TMEM220: variants seen among roughly 807,000 people sequenced by gnomAD.
TMEM220 encodes transmembrane protein 220.
TMEM220 carries 21 observed loss-of-function variants against 21.7 expected under a neutral mutation model. That is an observed-to-expected ratio of 0.97 (90% CI 0.69 to 1.39). TMEM220 has a LOEUF of 1.39. Ranked by LOEUF, TMEM220 falls within the 40% of genes most tolerant of loss-of-function variation. TMEM220 has a pLI of 0.00. For synonymous variants in TMEM220, 80 were observed against 73.6 expected (o/e 1.09, Z -0.45); for missense variants, 191 against 201.9 (o/e 0.95, Z 0.33).
intron 5 of TMEM220, among the ~76,000 whole-genome samples, chr17:10,720,072 A>G (rs2074969298): frequency 6.6e-6 from 1 of 152,230 alleles, no homozygotes; most frequent in Non-Finnish European, 1.5e-5. Flanking sequence ...CTCTGCTGGC[A>G]AGGCTATGGG....
At chr17:10,719,265 CTA>C (rs1444784060) in intron 5 of TMEM220, among the ~76,000 whole-genome samples, 4 of 152,030 alleles carry the variant, frequency 2.6e-5, no homozygotes. Context: ...TTCTATCTAT[CTA>C]TTTATTTATT....
chr17:10,715,963 A>C, intron 5 of TMEM220: 1 of 380,414 alleles, frequency 2.6e-6, no homozygotes. Flanking sequence ...ATATTTATTA[A>C]AGATAATCAT....
intron 2 of TMEM220, among the ~76,000 whole-genome samples, chr17:10,727,522 C>T (rs1346506014): frequency 6.6e-6 from 1 of 152,114 alleles, no homozygotes; most frequent in Non-Finnish European, 1.5e-5. Context: ...GGTGAATATA[C>T]GCAGCAGTCT....
At position 10,713,612 on chromosome 17, in the gene TMEM220, A is replaced by C. The variant is rs2074872263; in HGVS notation, c.*1841T>G. Reference sequence around the variant, plus strand: ...TAATACTAAAGGAGTTATAAAAGCCACAAATATGTAAGCAAAATATACACT... The same window carrying C: ...TAATACTAAAGGAGTTATAAAAGCCCCAAATATGTAAGCAAAATATACACT... On this transcript the variant is annotated 3_prime_UTR_variant, in exon 6 of 6. Coordinates refer to ENST00000341871, the MANE Select transcript of TMEM220 (RefSeq NM_001004313.3). 1.3e-5 allele frequency: 2 copies of C among 152,162 alleles called. No homozygotes were observed. Among genetic ancestry groups the C allele is most frequent in the Admixed American group, 1.3e-4 (2 of 15,276 alleles). 9.4% of individuals were successfully genotyped at this position (152,162 alleles called of 1,614,324 possible).
chr17:10,719,136 A>C (rs2074957307), intron 5 of TMEM220, among the ~76,000 whole-genome samples: 1 of 145,722 alleles, frequency 6.9e-6, no homozygotes, highest in South Asian at 2.2e-4. Context: ...TGTCATTAAA[A>C]AGTGTCTTCC....
rs1420827031 is a variant in TMEM220, at chr17:10,715,565, T to G, written c.371A>C (p.Gln124Pro). Reference sequence around the variant, plus strand: ...TGTGATTACAATGGCAATAGCCAATTGAATTCTTCCACCAACTGGATTCCT... The same window carrying G: ...TGTGATTACAATGGCAATAGCCAATGGAATTCTTCCACCAACTGGATTCCT... ...SSKNPVGGRI[Q>P]LAIAIVITLF... The change falls in exon 6 of 6, where the codon CAA becomes CCA. Residue 124 changes from glutamine (Q) to proline (P), a missense_variant. By Grantham distance (76) the Gln-to-Pro change is moderately conservative (BLOSUM62 -1). Transcript: ENST00000341871. The G allele has an allele frequency of 6.3e-7, 1 of 1,593,550 alleles. No individual in the cohort carries two copies. The highest frequency in any genetic ancestry group is 2.3e-5 in the East Asian group (1 of 44,310).
At chr17:10,721,258 T>C (rs2074984893) in intron 5 of TMEM220, among the ~76,000 whole-genome samples, 2 of 152,016 alleles carry the variant, frequency 1.3e-5, no homozygotes, top group African/African-American at 4.8e-5. Flanking sequence ...TGGACAAAAA[T>C]GGGACAGTCT....
downstream of TMEM220, among the ~76,000 whole-genome samples, chr17:10,711,622 AT>A (rs757533992): frequency 2.0e-5 from 3 of 152,148 alleles, no homozygotes; most frequent in Non-Finnish European, 4.4e-5. Context: ...ACCAATAGTT[AT>A]TTCACGGGTA....
chr17:10,726,090 G>T (rs1454143852), intron 3 of TMEM220, 114 bp downstream of exon 3: 8 of 760,290 alleles, frequency 1.1e-5, no homozygotes, highest in African/African-American at 1.8e-5. Flanking sequence ...TATCAGAAAT[G>T]AGAAGAAAGG....
chr17:10,718,455 T>C lies in TMEM220; in HGVS notation c.348-2867A>G, dbSNP rs80199597. Among the ~76,000 whole-genome samples, 141 of 152,298 alleles carry C rather than the reference T, an allele frequency of 9.3e-4. 1 individual carries two copies. The East Asian group carries it at 0.022, about 24-fold the overall frequency. ...TATGTTGATTTTTTATTTCACTGAC[T>C]TCTGCTTTTATGTTTATTTTCTTGT... On this transcript the variant is annotated intron_variant, in intron 5 of 5. Coordinates refer to ENST00000341871, the MANE Select transcript of TMEM220 (RefSeq NM_001004313.3).
intron 3 of TMEM220, 49 bp from the exon 4 acceptor site, chr17:10,725,183 G>GA (rs201967631): frequency 0.012 from 17,090 of 1,370,636 alleles, 14 homozygotes; most frequent in East Asian, 0.038. Flanking sequence ...ACAGCCCACA[G>GA]AAAAAAAAAA....
intron 2 of TMEM220, among the ~76,000 whole-genome samples, chr17:10,727,970 G>A (rs1198475770): frequency 6.6e-6 from 1 of 152,154 alleles, no homozygotes; most frequent in South Asian, 2.1e-4. Context: ...AGACCAGCTT[G>A]ACCAACATGG....
At chr17:10,723,500 C>CT (rs1199859332) in intron 4 of TMEM220, among the ~76,000 whole-genome samples, 171 bp from the exon 5 acceptor site, 1 of 152,114 alleles carries the variant, frequency 6.6e-6, no homozygotes, top group African/African-American at 2.4e-5. Flanking sequence ...TCATAAATTA[C>CT]TTTTTTCAGA....
rs2074875449 is a variant in TMEM220, at chr17:10,713,872, T to C, written c.*1581A>G. 6.6e-6 allele frequency: 1 copy of C among 152,150 alleles called. No homozygotes were observed. The highest frequency in any genetic ancestry group is 2.4e-5 in the African/African-American group (1 of 41,430). The allele number at this position is 152,150 out of a possible 1,614,324, so 9.4% of individuals were successfully genotyped here. A position where few individuals can be genotyped will look rare whatever the true frequency, so the allele number is the denominator to read the frequency against. On this transcript the variant is annotated 3_prime_UTR_variant, in exon 6 of 6. Coordinates refer to ENST00000341871, the MANE Select transcript of TMEM220 (RefSeq NM_001004313.3). ...ATAAAGACAATAAAAATAGACAAAC[T>C]ACCAGACTCATTTACACTCTCCTAA... is the stretch of plus-strand genomic sequence containing the variant.
chr17:10,712,787 G>A (rs1319250069), downstream of TMEM220, among the ~76,000 whole-genome samples: 1 of 152,226 alleles, frequency 6.6e-6, no homozygotes, highest in Non-Finnish European at 1.5e-5. Flanking sequence ...GAAGGGGGAT[G>A]TGGCAAGAAA....
intron 2 of TMEM220, among the ~76,000 whole-genome samples, chr17:10,728,626 C>T (rs1301926195): frequency 6.6e-6 from 1 of 152,128 alleles, no homozygotes; most frequent in Non-Finnish European, 1.5e-5. Context: ...TTAATACTTT[C>T]TAGAAATATA....
Position 10,725,129 on chromosome 17 carries a change from CATT to C in TMEM220, c.166_168del (p.Asn56del). 6.2e-7 allele frequency: 1 copy of C among 1,613,800 alleles called. No individual in the cohort carries two copies. Among genetic ancestry groups the C allele is most frequent in the Non-Finnish European group, 8.5e-7 (1 of 1,179,834 alleles). Reference sequence around the variant, plus strand: ...ATTGCAGAGATACTTTTCCAAATAACATTACCTAAAAATAGATGTTCTGATGTT... The same window carrying C: ...ATTGCAGAGATACTTTTCCAAATAACACCTAAAAATAGATGTTCTGATGTT... On this transcript the variant is annotated inframe_deletion and splice_region_variant, in exon 4 of 6. Transcript: ENST00000341871.
At position 10,713,609 on chromosome 17, in the gene TMEM220, G is replaced by A. The variant is rs1265847364; in HGVS notation, c.*1844C>T. 1.3e-5 allele frequency: 2 copies of A among 151,978 alleles called. No homozygotes were observed. Among genetic ancestry groups the A allele is most frequent in the African/African-American group, 4.8e-5 (2 of 41,388 alleles). 9.4% of individuals were successfully genotyped at this position (151,978 alleles called of 1,614,324 possible). ...TATTAATACTAAAGGAGTTATAAAA[G>A]CCACAAATATGTAAGCAAAATATAC... On this transcript the variant is annotated 3_prime_UTR_variant, in exon 6 of 6. Transcript: ENST00000341871.
Position 10,715,435 on chromosome 17 carries a change from C to G in TMEM220, c.*18G>C, listed in dbSNP as rs11871119. ...TGATTGAAAATATTCATTTTAAAAA[C>G]GAAGTTCTTGAATTTATTTAAATTA... On this transcript the variant is annotated 3_prime_UTR_variant, in exon 6 of 6. Transcript: ENST00000341871. 1 of 1,571,786 alleles carries G rather than the reference C, an allele frequency of 6.4e-7. No individual in the cohort carries two copies. Among genetic ancestry groups the G allele is most frequent in the South Asian group, 1.2e-5 (1 of 81,776 alleles).
Sources: allele counts gnomAD v4.1 joint callset (sites outside exome capture counted in the v4.1 genomes callset), GRCh38; gene constraint gnomAD v4.1.1; transcripts MANE v1.5; gene names NCBI Gene and HGNC (gene_info 2026-07-23, HGNC 2026-07-21).